Variants in RRM2B observed in about 807,000 individuals in gnomAD.
The protein encoded by RRM2B is ribonucleotide reductase regulatory TP53 inducible subunit M2B.
A neutral mutation model predicts 45.9 loss-of-function variants in RRM2B; 20 were observed. The ratio of observed to expected loss-of-function variants is 0.44; its 90% CI spans 0.31 to 0.63. The LOEUF is 0.63. Among genes scored for constraint, RRM2B ranks in the 30% least tolerant of loss-of-function variants. RRM2B has a pLI of 0.09. For synonymous variants in RRM2B, 124 were observed against 132.3 expected (o/e 0.94, Z 0.43); for missense variants, 320 against 414.7 (o/e 0.77, Z 1.98).
rs79511002 is a variant in RRM2B, at chr8:102,221,886, C to T, written c.550+2160G>A. On this transcript the variant is annotated intron_variant, in intron 5 of 8. Coordinates refer to ENST00000251810, the MANE Select transcript of RRM2B (RefSeq NM_015713.5). ...CACTCTGCCTCTTCCCTTCTTTTTT[C>T]TCTAAAGCCAGCATTTCCCAAAGTG... 6.0e-4 allele frequency among the ~76,000 whole-genome samples: 91 copies of T among 152,160 alleles called. 1 individual carries two copies. In the East Asian group the frequency reaches 0.015, roughly 26 times the overall value.
At chr8:102,212,935 A>G (rs772956788) in intron 7 of RRM2B, 46 bp from the exon 8 acceptor site, 2 of 949,476 alleles carry the variant, frequency 2.1e-6, no homozygotes, top group African/African-American at 1.6e-5. Flanking sequence ...AAAACTATAA[A>G]TATGTATTTT....
intron 1 of RRM2B, among the ~76,000 whole-genome samples, chr8:102,238,137 C>T (rs1399817403): frequency 2.0e-5 from 3 of 152,210 alleles, no homozygotes; most frequent in Non-Finnish European, 4.4e-5. Flanking sequence ...GCATAAACAA[C>T]TTGGATGAAC....
At chr8:102,224,338 C>T (rs1471320852) in intron 4 of RRM2B, among the ~76,000 whole-genome samples, 198 bp from the exon 5 acceptor site, 4 of 152,106 alleles carry the variant, frequency 2.6e-5, no homozygotes, top group African/African-American at 9.7e-5. Flanking sequence ...CCCGCCACCA[C>T]GCCCGGCTAG....
intron 2 of RRM2B, 53 bp downstream of exon 2, chr8:102,232,096 G>A: frequency 6.6e-7 from 1 of 1,512,028 alleles, no homozygotes; most frequent in South Asian, 1.1e-5. Context: ...TGTAAAACAA[G>A]AAGGAACACT....
intron 2 of RRM2B, among the ~76,000 whole-genome samples, chr8:102,229,283 A>C (rs1019586521): frequency 3.9e-5 from 6 of 152,052 alleles, no homozygotes; most frequent in Admixed American, 1.3e-4. Flanking sequence ...ACAAAAAAAA[A>C]AAAACCCACA....
intron 6 of RRM2B, among the ~76,000 whole-genome samples, chr8:102,215,486 T>C (rs2132546456): frequency 6.6e-6 from 1 of 152,108 alleles, no homozygotes; most frequent in South Asian, 2.1e-4. Flanking sequence ...ACAGGTAACT[T>C]ATTACAGAAA....
At position 102,204,980 on chromosome 8, in the gene RRM2B, A is replaced by C. The variant is rs1378461748; in HGVS notation, c.*3153T>G. On this transcript the variant is annotated 3_prime_UTR_variant, in exon 9 of 9. Transcript: ENST00000251810. ...CCTCGGGAATATGAGATTCTCTTTC[A>C]AATCTTTAACTTTTTACAAAGGAGC... 1 of 152,206 alleles carries C rather than the reference A, an allele frequency of 6.6e-6. No homozygotes were observed. Among genetic ancestry groups the C allele is most frequent in the Admixed American group, 6.6e-5 (1 of 15,264 alleles). The allele number at this position is 152,206 out of a possible 1,614,324, so 9.4% of individuals were successfully genotyped here.
At chr8:102,212,573 A>C (rs985329968) in intron 8 of RRM2B, among the ~76,000 whole-genome samples, 1 of 152,202 alleles carries the variant, frequency 6.6e-6, no homozygotes, top group Non-Finnish European at 1.5e-5. Flanking sequence ...ATTAGTTCTA[A>C]TATTTTACCA....
intron 3 of RRM2B, among the ~76,000 whole-genome samples, chr8:102,225,603 C>G (rs935179773): frequency 6.6e-6 from 1 of 152,036 alleles, no homozygotes; most frequent in Admixed American, 6.6e-5. Context: ...AAATGGGGAG[C>G]CAGAATCCAG....
chr8:102,238,582 C>A, intron 1 of RRM2B: 1 of 1,526,074 alleles, frequency 6.6e-7, no homozygotes. Context: ...CTCCAAGCGT[C>A]GTCCTTGGCT....
In RRM2B at chr8:102,232,604, C is replaced by A. The variant is rs576370958; in HGVS notation, c.49-300G>T. Among the ~76,000 whole-genome samples, 3 of 152,256 alleles carry A rather than the reference C, an allele frequency of 2.0e-5. No individual in the cohort carries two copies. In the East Asian group the frequency reaches 5.8e-4, roughly 29 times the overall value. On this transcript the variant is annotated intron_variant, in intron 1 of 8. Transcript: ENST00000251810. ...CAAAGCCTGGTATATAGTAAGCACT[C>A]AAAAATTATTGTAATTATTGCTAGT...
chr8:102,228,699 C>T (rs1339112317), intron 2 of RRM2B, among the ~76,000 whole-genome samples: 1 of 152,218 alleles, frequency 6.6e-6, no homozygotes, highest in Non-Finnish European at 1.5e-5. Flanking sequence ...TTCACCCAAG[C>T]TCCTGCACCT....
chr8:102,214,211 A>G, intron 6 of RRM2B, 53 bp from the exon 7 acceptor site: 1 of 1,195,522 alleles, frequency 8.4e-7, no homozygotes, highest in Non-Finnish European at 1.2e-6. Context: ...AGCTATTTGC[A>G]TATGGTGATG....
chr8:102,215,330 A>G (rs752490954), intron 6 of RRM2B, among the ~76,000 whole-genome samples: 8 of 152,004 alleles, frequency 5.3e-5, no homozygotes, highest in Non-Finnish European at 1.2e-4. Flanking sequence ...AGATTGCTTG[A>G]ACCTGGGAGG....
intron 6 of RRM2B, among the ~76,000 whole-genome samples, chr8:102,218,151 T>C (rs1311182629): frequency 1.3e-5 from 2 of 152,128 alleles, no homozygotes; most frequent in East Asian, 3.9e-4. Flanking sequence ...GGAAAGAATA[T>C]CTGGGACAAA....
At chr8:102,213,161 T>C (rs1201841340) in intron 7 of RRM2B, among the ~76,000 whole-genome samples, 3 of 152,054 alleles carry the variant, frequency 2.0e-5, no homozygotes, top group African/African-American at 7.2e-5. Flanking sequence ...GATATAAGAC[T>C]CGGATTCGTA....
chr8:102,238,494 G>T, intron 1 of RRM2B: 5 of 1,350,356 alleles, frequency 3.7e-6, no homozygotes, highest in Non-Finnish European at 4.9e-6. Flanking sequence ...TCCCTGGCCA[G>T]GGCTCCAAAA....
chr8:102,214,870 A>G (rs1810699686), intron 6 of RRM2B, among the ~76,000 whole-genome samples: 1 of 151,202 alleles, frequency 6.6e-6, no homozygotes, highest in African/African-American at 2.4e-5. Context: ...AGCCATACAA[A>G]GCAGATATGA....
At chr8:102,238,784 G>A (rs1811176883) in intron 1 of RRM2B, 43 bp downstream of exon 1, 2 of 1,613,622 alleles carry the variant, frequency 1.2e-6, no homozygotes, top group Admixed American at 1.7e-5. Flanking sequence ...CTAACGGGCT[G>A]GCGTGACTGC....
Sources: gnomAD v4.1 joint callset for allele counts (sites outside exome capture counted in the v4.1 genomes callset) on GRCh38, gnomAD v4.1.1 for gene constraint, MANE v1.5 for transcripts, NCBI Gene and HGNC (gene_info 2026-07-23, HGNC 2026-07-21) for gene names.